The following APOBEC3G variants were observed in gnomAD, a reference collection of about 807,000 sequenced individuals.
APOBEC3G encodes DNA dC->dU-editing enzyme APOBEC-3G.
In APOBEC3G, 44 loss-of-function variants were observed where a neutral mutation model predicts 50.0. That is an observed-to-expected ratio of 0.88 (90% CI 0.69 to 1.13). APOBEC3G has a LOEUF of 1.13. Ranked by LOEUF, APOBEC3G falls within the 50% of genes most tolerant of loss-of-function variation. The pLI, the probability that APOBEC3G is intolerant of heterozygous loss-of-function variation, is 0.00. For missense variants in APOBEC3G, 469 were observed against 492.0 expected, an observed-to-expected ratio of 0.95 and a Z score of 0.44; for synonymous variants, 156 against 175.3, an observed-to-expected ratio of 0.89 and a Z score of 0.87.
At chr22:39,086,248 AG>A in intron 5 of APOBEC3G, 30 bp from the exon 6 acceptor site, 1 of 1,530,526 alleles carries the variant, frequency 6.5e-7, no homozygotes, top group Middle Eastern at 1.8e-4. Flanking sequence ...AAAAAAAAAA[AG>A]ATTACCTCAT....
chr22:39,083,669 A>T, intron 4 of APOBEC3G, 62 bp from the exon 5 acceptor site: 1 of 1,540,362 alleles, frequency 6.5e-7, no homozygotes, highest in Non-Finnish European at 8.8e-7. Flanking sequence ...GTGGAGAGGG[A>T]GGGGGAGGTG....
rs1928462366 is a variant in APOBEC3G at position 39,081,605 on chromosome 22, C to T, written c.581+20C>T. On this transcript the variant is annotated intron_variant, in intron 4 of 7. Coordinates refer to ENST00000407997, the MANE Select transcript of APOBEC3G (RefSeq NM_021822.4). ...TCTCAGGTGAGGGTCTCCCTCCAGG[C>T]TCATCGCCTCGCTCCTCTCACCTCC... The T allele has an allele frequency of 6.3e-7, 1 of 1,584,928 alleles. No individual in the cohort carries two copies.
At chr22:39,078,751 C>G in intron 1 of APOBEC3G, 181 bp from the exon 2 acceptor site, 1 of 724,626 alleles carries the variant, frequency 1.4e-6, no homozygotes, top group South Asian at 2.7e-5. Context: ...TCGCTCTTGT[C>G]GCCCAGGCTG....
Position 39,077,323 on chromosome 22 carries a change from C to G in APOBEC3G, c.-39C>G. On this transcript the variant is annotated 5_prime_UTR_variant, in exon 1 of 8. Coordinates refer to ENST00000407997, the MANE Select transcript of APOBEC3G (RefSeq NM_021822.4). ...TGGAGCAGAAAGTGAAACCCTGGTG[C>G]TCCAGACAAAGATCTTAGTCGGGAC... 1 of 1,563,492 alleles carries G rather than the reference C, an allele frequency of 6.4e-7. No homozygotes were observed. The highest frequency in any genetic ancestry group is 8.7e-7 in the Non-Finnish European group (1 of 1,153,084).
intron 4 of APOBEC3G, chr22:39,082,024 G>A (rs564747812): frequency 1.2e-5 from 2 of 165,850 alleles, no homozygotes; most frequent in African/African-American, 4.8e-5. Context: ...CATGGAAACA[G>A]AGCTTCAGGC....
chr22:39,081,259 A>G (rs201820962), intron 3 of APOBEC3G, 32 bp downstream of exon 3: 28 of 1,604,740 alleles, frequency 1.7e-5, no homozygotes, highest in Non-Finnish European at 2.2e-5. Flanking sequence ...GGTGTGGGAG[A>G]GACTGCTTAA....
Position 39,081,226 on chromosome 22 carries a change from C to T in APOBEC3G, c.465C>T (p.Asp155=), listed in dbSNP as rs747667098. ...CCACCATGAAGATCATGAATTATGA[C>T]GGTGAGAAGTGGGAGGTTCAGGGGT... is the stretch of plus-strand genomic sequence containing the variant. ...PRATMKIMNY[D]EFQHCWSKFV... Residue 155 remains aspartate (D), a splice_region_variant and synonymous_variant, in exon 3 of 8, where the codon GAC becomes GAT. Transcript: ENST00000407997. 40 of 1,613,518 alleles carry T rather than the reference C, an allele frequency of 2.5e-5. No individual in the cohort carries two copies. Among genetic ancestry groups the T allele is most frequent in the African/African-American group, 4.0e-5 (3 of 74,914 alleles).
At chr22:39,080,377 A>G (rs34300092) in intron 2 of APOBEC3G, 2,485 of 215,306 alleles carry the variant, frequency 0.012, 56 homozygotes, top group African/African-American at 0.054. Context: ...AGCAGGACTG[A>G]GATGGGGACA....
intron 5 of APOBEC3G, among the ~76,000 whole-genome samples, chr22:39,085,003 C>G (rs1050537953): frequency 6.6e-6 from 1 of 152,202 alleles, no homozygotes; most frequent in African/African-American, 2.4e-5. Context: ...CTTTCAAAGG[C>G]ACCGGTCCCC....
chr22:39,087,607 A>G lies in APOBEC3G; in HGVS notation c.*186A>G. The G allele has an allele frequency of 8.6e-7, 1 of 1,163,134 alleles. No homozygotes were observed. Among genetic ancestry groups the G allele is most frequent in the Non-Finnish European group, 1.2e-6 (1 of 835,684 alleles). The allele number at this position is 1,163,134 out of a possible 1,614,324, so 72.1% of individuals were successfully genotyped here. A position where few individuals can be genotyped will look rare whatever the true frequency, so the allele number is the denominator to read the frequency against. On this transcript the variant is annotated 3_prime_UTR_variant, in exon 8 of 8. Coordinates refer to ENST00000407997, the MANE Select transcript of APOBEC3G (RefSeq NM_021822.4). ...ATTAGAGTGCATTACTTTGAATCAAAAATTTATTTATATTTCAAGAATAAA... is the reference window on the plus strand; with the variant it reads ...ATTAGAGTGCATTACTTTGAATCAAGAATTTATTTATATTTCAAGAATAAA...
At chr22:39,077,469 C>G (rs1295997850) in intron 1 of APOBEC3G, 91 bp downstream of exon 1, 3 of 1,547,044 alleles carry the variant, frequency 1.9e-6, no homozygotes, top group Non-Finnish European at 2.6e-6. Flanking sequence ...TTCCCCTGCC[C>G]CAGCCCCAGC....
chr22:39,081,627 C>A, intron 4 of APOBEC3G, 42 bp downstream of exon 4: 2 of 1,511,868 alleles, frequency 1.3e-6, no homozygotes, highest in Non-Finnish European at 9.2e-7. Context: ...CTCCTCTCAC[C>A]TCCTGCTCAT....
chr22:39,084,086 C>T (rs1053821319), intron 5 of APOBEC3G, among the ~76,000 whole-genome samples: 16 of 152,126 alleles, frequency 1.1e-4, no homozygotes, highest in Non-Finnish European at 1.6e-4. Flanking sequence ...CAGCCCCACA[C>T]GCCTAACCAG....
chr22:39,080,799 A>T, intron 2 of APOBEC3G, 134 bp from the exon 3 acceptor site: 1 of 798,514 alleles, frequency 1.3e-6, no homozygotes, highest in Non-Finnish European at 2.0e-6. Context: ...CAAACCGAAC[A>T]GGGGGATGGA....
chr22:39,085,712 C>T (rs1170423454), intron 5 of APOBEC3G, among the ~76,000 whole-genome samples: 1 of 151,522 alleles, frequency 6.6e-6, no homozygotes, highest in Middle Eastern at 3.5e-3. Flanking sequence ...TATGGTGAAA[C>T]CCCGTCTCTA....
chr22:39,080,144 C>T (rs903703009), intron 2 of APOBEC3G: 1 of 454,074 alleles, frequency 2.2e-6, no homozygotes. Flanking sequence ...CATGTCACCC[C>T]CCCCGACATG....
rs1168759296 is a variant in APOBEC3G, at chr22:39,080,953, C to T, written c.192C>T (p.Tyr64=). 1 of 1,556,302 alleles carries T rather than the reference C, an allele frequency of 6.4e-7. No individual in the cohort carries two copies. The highest frequency in any genetic ancestry group is 1.4e-5 in the African/African-American group (1 of 72,796). The change falls in exon 3 of 8, where the codon TAC becomes TAT. Residue 64 remains tyrosine, a synonymous_variant. Coordinates refer to ENST00000407997, the MANE Select transcript of APOBEC3G (RefSeq NM_021822.4). ...CCCAGGTGTATTCCGAACTTAAGTA[C>T]CACCCAGAGATGAGATTCTTCCACT... is the stretch of plus-strand genomic sequence containing the variant. The part of the protein sequence containing the change: ...FRGQVYSELK[Y]HPEMRFFHWF...
At chr22:39,078,453 C>G (rs1928264289) in intron 1 of APOBEC3G, 1 of 156,154 alleles carries the variant, frequency 6.4e-6, no homozygotes, top group Admixed American at 6.3e-5. Flanking sequence ...CCATTTGTCC[C>G]CAGCTCTGTG....
Position 39,082,230 on chromosome 22 carries a change from G to A in APOBEC3G, c.581+645G>A, listed in dbSNP as rs17537554. Reference sequence around the variant, plus strand: ...TTCCTCTGTGCACCTGCACTCGTGGGGTCTCTCTGCCTCCAAATGTCCTCC... The same window carrying A: ...TTCCTCTGTGCACCTGCACTCGTGGAGTCTCTCTGCCTCCAAATGTCCTCC... On this transcript the variant is annotated intron_variant, in intron 4 of 7. Transcript: ENST00000407997. 8.6e-3 allele frequency: 1,321 copies of A among 152,808 alleles called. 3 individuals are homozygous for A. Among genetic ancestry groups the A allele is most frequent in the Non-Finnish European group, 0.014 (950 of 68,458 alleles). The allele number at this position is 152,808 out of a possible 1,614,324, so 9.5% of individuals were successfully genotyped here.
Sources: allele counts gnomAD v4.1 joint callset (sites outside exome capture counted in the v4.1 genomes callset), GRCh38; gene constraint gnomAD v4.1.1; transcripts MANE v1.5; gene names NCBI Gene and HGNC (gene_info 2026-07-23, HGNC 2026-07-21).